Variants in PLSCR5 observed in about 807,000 individuals in gnomAD.
PLSCR5 encodes the protein phospholipid scramblase family, member 5.
A neutral mutation model predicts 33.6 loss-of-function variants in PLSCR5; 44 were observed. The observed-to-expected ratio is 1.31, with a 90% CI of 1.03 to 1.69. The LOEUF (loss-of-function observed/expected upper bound fraction) is 1.69, where lower values mean the gene tolerates loss of function less well. Among genes scored for constraint, PLSCR5 ranks in the 40% most tolerant of loss-of-function variants. The pLI, the probability that PLSCR5 is intolerant of heterozygous loss-of-function variation, is 0.00. For missense variants in PLSCR5, 375 were observed against 318.7 expected, an observed-to-expected ratio of 1.18 and a Z score of -1.34; for synonymous variants, 148 against 112.3, an observed-to-expected ratio of 1.32 and a Z score of -2.01.
In PLSCR5 at chr3:146,591,827, C is replaced by G. The variant is rs368811912; in HGVS notation, c.508G>C (p.Asp170His). The change falls in exon 5 of 8, where the codon GAC becomes CAC. Residue 170 changes from aspartate (D) to histidine (H), a missense_variant. Coordinates refer to ENST00000443512, the MANE Select transcript of PLSCR5 (RefSeq NM_001085420.2). Reference protein sequence around the residue: ...TIVGYVTQKWDPFLPKFTIQN... With the variant: ...TIVGYVTQKWHPFLPKFTIQN... ...ATTGTGAATTTAGGCAGAAAGGGGT[C>G]CCACTTCTGCGTAACGTAACCAACT... The G allele has an allele frequency of 2.5e-6, 4 of 1,612,308 alleles. No homozygotes were observed. In the African/African-American group the frequency reaches 5.3e-5, roughly 21 times the overall value.
chr3:146,589,940 T>C, intron 5 of PLSCR5, 126 bp from the exon 6 acceptor site: 2 of 580,096 alleles, frequency 3.4e-6, no homozygotes, highest in East Asian at 3.0e-5. Context: ...GACAATTCCA[T>C]GTTATTCATT....
At chr3:146,587,368 G>T (rs1198174847) in intron 6 of PLSCR5, among the ~76,000 whole-genome samples, 1 of 152,192 alleles carries the variant, frequency 6.6e-6, no homozygotes, top group Non-Finnish European at 1.5e-5. Context: ...AAACTGATAA[G>T]GTTTAAAATA....
At chr3:146,599,945 T>A (rs2107858745) in intron 2 of PLSCR5, among the ~76,000 whole-genome samples, 1 of 152,188 alleles carries the variant, frequency 6.6e-6, no homozygotes, top group South Asian at 2.1e-4. Context: ...ATTACAGGCG[T>A]GAGCCACCGT....
intron 5 of PLSCR5, 194 bp from the exon 6 acceptor site, chr3:146,590,008 T>C: frequency 7.4e-6 from 3 of 405,496 alleles, no homozygotes; most frequent in Non-Finnish European, 1.3e-5. Context: ...TTAGAAACTT[T>C]GCTTTTTTGA....
intron 2 of PLSCR5, among the ~76,000 whole-genome samples, chr3:146,595,613 A>G (rs1369526165): frequency 6.6e-6 from 1 of 152,052 alleles, no homozygotes; most frequent in East Asian, 1.9e-4. Flanking sequence ...ATTAAAAAAA[A>G]AGAAAAAGAA....
In PLSCR5 at chr3:146,597,232, G is replaced by C. The variant is rs1295107109; in HGVS notation, c.190-2149C>G. The stretch of plus-strand genomic sequence containing the variant: ...TCCAACAATAACAGTTTTTTTAATT[G>C]AATAACTACCATAAGGTAGTCACTG... On this transcript the variant is annotated intron_variant, in intron 2 of 7. Coordinates refer to ENST00000443512, the MANE Select transcript of PLSCR5 (RefSeq NM_001085420.2). 6.6e-4 allele frequency among the ~76,000 whole-genome samples: 101 copies of C among 151,922 alleles called. 4 individuals are homozygous for C. Among genetic ancestry groups the C allele is most frequent in the Non-Finnish European group, 1.5e-5 (1 of 67,982 alleles).
intron 2 of PLSCR5, among the ~76,000 whole-genome samples, chr3:146,598,335 C>T (rs921872528): frequency 6.6e-6 from 1 of 152,054 alleles, no homozygotes; most frequent in Non-Finnish European, 1.5e-5. Context: ...CATGGCATAA[C>T]AGTTTGGAAG....
chr3:146,578,534 T>C (rs2044613689), intron 7 of PLSCR5, among the ~76,000 whole-genome samples: 1 of 152,122 alleles, frequency 6.6e-6, no homozygotes. Context: ...ACTCATATTC[T>C]TCATTCTGGA....
At chr3:146,588,954 T>TA (rs2044687334) in intron 6 of PLSCR5, among the ~76,000 whole-genome samples, 1 of 152,140 alleles carries the variant, frequency 6.6e-6, no homozygotes, top group South Asian at 2.1e-4. Context: ...TATCAACAAA[T>TA]AAAAACTCCA....
At chr3:146,585,148 T>C (rs567408609), downstream of PLSCR5, among the ~76,000 whole-genome samples, 3 of 152,272 alleles carry the variant, frequency 2.0e-5, no homozygotes, top group African/African-American at 7.2e-5. Flanking sequence ...AAGTGAAATA[T>C]ATTAATTTAA....
chr3:146,584,580 T>C (rs10048923), downstream of PLSCR5, among the ~76,000 whole-genome samples: 5,536 of 152,232 alleles, frequency 0.036, 119 homozygotes, highest in Non-Finnish European at 0.049. Flanking sequence ...CAAGATATGT[T>C]ATGGTCGATT....
At chr3:146,581,956 A>G (rs1212245543), downstream of PLSCR5, among the ~76,000 whole-genome samples, 1 of 152,226 alleles carries the variant, frequency 6.6e-6, no homozygotes, top group Non-Finnish European at 1.5e-5. Context: ...TTCTCTTTTT[A>G]GAAATATTCT....
downstream of PLSCR5, among the ~76,000 whole-genome samples, chr3:146,582,446 T>C (rs969436451): frequency 6.6e-6 from 1 of 152,172 alleles, no homozygotes; most frequent in South Asian, 2.1e-4. Flanking sequence ...TTGTACTTTA[T>C]GCAAATTAGA....
intron 4 of PLSCR5, among the ~76,000 whole-genome samples, chr3:146,592,098 A>G (rs1438124662): frequency 3.3e-5 from 5 of 152,076 alleles, no homozygotes; most frequent in Admixed American, 6.6e-5. Context: ...AGCACTGTGC[A>G]CTAAAAGTCT....
intron 5 of PLSCR5, 35 bp from the exon 6 acceptor site, chr3:146,589,849 A>T (rs776593146): frequency 2.5e-5 from 34 of 1,377,210 alleles, no homozygotes; most frequent in Middle Eastern, 1.9e-4. Context: ...TAAATTTGAC[A>T]GTGAAAAAAG....
chr3:146,590,759 AT>A (rs1484727995), intron 5 of PLSCR5, among the ~76,000 whole-genome samples: 2 of 152,072 alleles, frequency 1.3e-5, no homozygotes, highest in African/African-American at 4.8e-5. Flanking sequence ...CAAAATTTGC[AT>A]TGTATTCTAC....
At chr3:146,595,443 C>T (rs922600812) in intron 2 of PLSCR5, among the ~76,000 whole-genome samples, 3 of 151,888 alleles carry the variant, frequency 2.0e-5, no homozygotes, top group African/African-American at 4.8e-5. Flanking sequence ...AATGGCAAAC[C>T]CCTGTCTTTA....
At chr3:146,593,149 C>G (rs966574821) in intron 4 of PLSCR5, among the ~76,000 whole-genome samples, 2 of 152,104 alleles carry the variant, frequency 1.3e-5, no homozygotes, top group Non-Finnish European at 2.9e-5. Context: ...GCTCAAGTCC[C>G]ATCTATAATA....
At chr3:146,588,581 A>C (rs200642519) in intron 6 of PLSCR5, among the ~76,000 whole-genome samples, 1 of 151,882 alleles carries the variant, frequency 6.6e-6, no homozygotes, top group East Asian at 1.9e-4. Context: ...ACACACACAC[A>C]CCCCTTAGGA....
Sources: gnomAD v4.1 joint callset for allele counts (sites outside exome capture counted in the v4.1 genomes callset) on GRCh38, gnomAD v4.1.1 for gene constraint, MANE v1.5 for transcripts, NCBI Gene and HGNC (gene_info 2026-07-23, HGNC 2026-07-21) for gene names.